The following TMEM108 variants were observed in gnomAD, a reference collection of about 807,000 sequenced individuals.
TMEM108 encodes the protein transmembrane protein 108, also known as cancer/testis antigen 124.
In TMEM108, 12 loss-of-function variants were observed where a neutral mutation model predicts 35.1. The ratio of observed to expected loss-of-function variants is 0.34; its 90% confidence interval spans 0.22 to 0.55. The LOEUF (loss-of-function observed/expected upper bound fraction) is 0.55, where lower values mean the gene tolerates loss of function less well. Ranked by LOEUF, TMEM108 falls within the 20% of genes least tolerant of loss-of-function variation. The pLI, the probability that TMEM108 is intolerant of heterozygous loss-of-function variation, is 0.89. For synonymous variants in TMEM108, 287 were observed against 308.6 expected (o/e 0.93, Z 0.73); for missense variants, 680 against 753.3 (o/e 0.90, Z 1.14).
intron 2 of TMEM108, among the ~76,000 whole-genome samples, chr3:133,122,719 T>C (rs9874411): frequency 0.55 from 83,957 of 151,620 alleles, 23,572 homozygotes; most frequent in Admixed American, 0.61. Context: ...AAAAATTAGC[T>C]CGGTGTGGTT....
intron 2 of TMEM108, among the ~76,000 whole-genome samples, chr3:133,164,438 G>T (rs922871165): frequency 2.6e-5 from 4 of 152,164 alleles, no homozygotes; most frequent in Non-Finnish European, 5.9e-5. Flanking sequence ...TCATATGATT[G>T]GTGGGTCTGA....
intron 3 of TMEM108, among the ~76,000 whole-genome samples, chr3:133,285,128 A>G (rs1946966237): frequency 6.6e-6 from 1 of 152,216 alleles, no homozygotes; most frequent in Non-Finnish European, 1.5e-5. Context: ...GTGCTGTGCA[A>G]TAAAATAAAT....
intron 1 of TMEM108, among the ~76,000 whole-genome samples, chr3:133,040,194 G>T (rs979348168): frequency 1.5e-3 from 171 of 113,278 alleles, no homozygotes; most frequent in East Asian, 6.2e-3. Context: ...AGTTTTTTTT[G>T]TTTGTTTGTT....
chr3:133,333,046 C>A (rs2107729448), intron 3 of TMEM108, among the ~76,000 whole-genome samples: 1 of 152,270 alleles, frequency 6.6e-6, no homozygotes, highest in East Asian at 1.9e-4. Flanking sequence ...GTGGGTGCAG[C>A]ACCTCTCCTT....
chr3:133,062,871 G>T (rs10470325), intron 2 of TMEM108, among the ~76,000 whole-genome samples: 97,112 of 152,066 alleles, frequency 0.64, 31,719 homozygotes, highest in African/African-American at 0.78. Context: ...GTGTTGAAGT[G>T]AACGAGGCCA....
At chr3:133,342,555 T>TACACACACAC (rs138335008) in intron 3 of TMEM108, among the ~76,000 whole-genome samples, 12 of 63,394 alleles carry the variant, frequency 1.9e-4, no homozygotes, top group African/African-American at 5.7e-4. Context: ...TATATATATA[T>TACACACACAC]ACACACACAC....
At chr3:133,351,233 G>C (rs143747058) in intron 3 of TMEM108, among the ~76,000 whole-genome samples, 5 of 152,300 alleles carry the variant, frequency 3.3e-5, no homozygotes, top group African/African-American at 9.6e-5. Flanking sequence ...AGCCTGAGCT[G>C]TTTGCTCCTG....
At chr3:133,320,908 T>G (rs375649998) in intron 3 of TMEM108, among the ~76,000 whole-genome samples, 6 of 152,310 alleles carry the variant, frequency 3.9e-5, no homozygotes, top group African/African-American at 1.4e-4. Context: ...AATTTTGTAT[T>G]GAGCAAAAAC....
intron 3 of TMEM108, among the ~76,000 whole-genome samples, chr3:133,296,794 T>C (rs1339059474): frequency 1.3e-5 from 2 of 152,160 alleles, no homozygotes; most frequent in Admixed American, 1.3e-4. Flanking sequence ...AGCATGACTG[T>C]CAGAAATTAG....
chr3:133,163,581 G>A (rs1414408556), intron 2 of TMEM108, among the ~76,000 whole-genome samples: 1 of 152,126 alleles, frequency 6.6e-6, no homozygotes, highest in Non-Finnish European at 1.5e-5. Flanking sequence ...TGGGGACTGT[G>A]CCTTGGAGAC....
intron 2 of TMEM108, among the ~76,000 whole-genome samples, chr3:133,073,710 A>G (rs150113305): frequency 6.6e-6 from 1 of 151,464 alleles, no homozygotes; most frequent in African/African-American, 2.4e-5. Context: ...TGGTAGTTCT[A>G]TTTTAATTTT....
chr3:133,389,159 C>A (rs534847339), intron 4 of TMEM108: 51 of 985,616 alleles, frequency 5.2e-5, no homozygotes, highest in Non-Finnish European at 5.8e-5. Context: ...GACAGGCCAC[C>A]CCACCTCTCT....
At chr3:133,155,476 A>C (rs1944867551) in intron 2 of TMEM108, among the ~76,000 whole-genome samples, 1 of 152,132 alleles carries the variant, frequency 6.6e-6, no homozygotes, top group Non-Finnish European at 1.5e-5. Context: ...CCACCAGCAG[A>C]GTACAAGTGT....
chr3:133,321,496 T>G (rs2071267340), intron 3 of TMEM108, among the ~76,000 whole-genome samples: 1 of 152,128 alleles, frequency 6.6e-6, no homozygotes, highest in African/African-American at 2.4e-5. Context: ...GCACCTAACA[T>G]TGGAGCTTCC....
intron 3 of TMEM108, among the ~76,000 whole-genome samples, chr3:133,263,847 G>GT (rs1322583845): frequency 1.3e-5 from 2 of 152,084 alleles, no homozygotes; most frequent in African/African-American, 2.4e-5. Flanking sequence ...AGAAATAATT[G>GT]TTTTTTTCCT....
At chr3:133,204,418 G>C (rs749098947) in intron 2 of TMEM108, among the ~76,000 whole-genome samples, 2 of 152,076 alleles carry the variant, frequency 1.3e-5, no homozygotes, top group African/African-American at 2.4e-5. Flanking sequence ...GAGCTTTCCT[G>C]CTTTCTCCTG....
chr3:133,288,670 C>T (rs1192718506), intron 3 of TMEM108, among the ~76,000 whole-genome samples: 2 of 152,174 alleles, frequency 1.3e-5, no homozygotes, highest in African/African-American at 4.8e-5. Context: ...ATACCTAACA[C>T]TTTAGGATGC....
rs531961487 is a variant in TMEM108 at position 133,167,789 on chromosome 3, G to A, written c.-46-61477G>A. ...CGCGCCTCTCCCTCCACACCTTCCC[G>A]CAAGCAGAGGGAGCTGGCTCCAGCC... On this transcript the variant is annotated intron_variant, in intron 2 of 5. Transcript: ENST00000321871. Among the ~76,000 whole-genome samples, 177 of 152,256 alleles carry A rather than the reference G, an allele frequency of 1.2e-3. 1 individual carries two copies. Among genetic ancestry groups the A allele is most frequent in the Admixed American group, 5.7e-3 (87 of 15,292 alleles).
At chr3:133,174,426 C>G (rs562764957) in intron 2 of TMEM108, among the ~76,000 whole-genome samples, 1 of 152,306 alleles carries the variant, frequency 6.6e-6, no homozygotes, top group South Asian at 2.1e-4. Context: ...GAGGCACCCC[C>G]CAGTAGGGGC....
Sources: gnomAD v4.1 joint callset for allele counts (sites outside exome capture counted in the v4.1 genomes callset) on GRCh38, gnomAD v4.1.1 for gene constraint, MANE v1.5 for transcripts, NCBI Gene and HGNC (gene_info 2026-07-23, HGNC 2026-07-21) for gene names.